TTC7A: variants seen among roughly 807,000 people sequenced by gnomAD.
TTC7A encodes the protein tetratricopeptide repeat protein 7A.
TTC7A carries 110 observed loss-of-function variants against 103.7 expected under a neutral mutation model. The ratio of observed to expected loss-of-function variants is 1.06; its 90% CI spans 0.91 to 1.24. The LOEUF is 1.24. TTC7A is among the 50% of genes most tolerant of loss of function. TTC7A has a pLI of 0.00. For synonymous variants in TTC7A, 521 were observed against 467.9 expected (o/e 1.11, Z -1.47); for missense variants, 1,340 against 1,116.3 (o/e 1.20, Z -2.86).
At chr2:47,056,915 C>G (rs537234020) in intron 18 of TTC7A, among the ~76,000 whole-genome samples, 1 of 152,290 alleles carries the variant, frequency 6.6e-6, no homozygotes, top group East Asian at 1.9e-4. Context: ...ACCCCTCCCC[C>G]CCATCCAGCC....
At chr2:46,948,190 G>T (rs1264638664) in intron 1 of TTC7A, among the ~76,000 whole-genome samples, 5 of 152,172 alleles carry the variant, frequency 3.3e-5, no homozygotes, top group African/African-American at 1.2e-4. Flanking sequence ...GCTGGGGGAC[G>T]GGGCCAGCAT....
Position 47,003,666 on chromosome 2 carries a change from C to G in TTC7A, c.1066-2256C>G, listed in dbSNP as rs376997401. The stretch of plus-strand genomic sequence containing the variant: ...TCCCACCCCTGCAGACTGCCTGGCT[C>G]CACCCGCTCCCATCATAACCTCTTG... On this transcript the variant is annotated intron_variant, in intron 8 of 19. Transcript: ENST00000319190. Among the ~76,000 whole-genome samples the G allele has an allele frequency of 4.6e-5, 7 of 152,312 alleles. No individual in the cohort carries two copies. The South Asian group carries it at 6.2e-4, about 14-fold the overall frequency.
chr2:47,061,735 G>C (rs1052984750), intron 19 of TTC7A, among the ~76,000 whole-genome samples: 3 of 152,150 alleles, frequency 2.0e-5, no homozygotes, highest in Non-Finnish European at 4.4e-5. Flanking sequence ...CATTTATTGA[G>C]CACCAGCTCT....
rs554115766 is a variant in TTC7A, at chr2:47,060,231, G to A, written c.2153-538G>A. On this transcript the variant is annotated intron_variant, in intron 18 of 19. Coordinates refer to ENST00000319190, the MANE Select transcript of TTC7A (RefSeq NM_020458.4). ...CCAAAAATACAAAAATTAGCCAGGCGTGGTGGTGCGTGCCTGTAACCCCAG... is the reference window on the plus strand; with the variant it reads ...CCAAAAATACAAAAATTAGCCAGGCATGGTGGTGCGTGCCTGTAACCCCAG... Among the ~76,000 whole-genome samples, 20 of 152,194 alleles carry A rather than the reference G, an allele frequency of 1.3e-4. No homozygotes were observed. In the East Asian group the frequency reaches 1.9e-3, roughly 15 times the overall value.
chr2:46,958,804 G>C (rs971130955), intron 3 of TTC7A, among the ~76,000 whole-genome samples: 1 of 152,144 alleles, frequency 6.6e-6, no homozygotes, highest in African/African-American at 2.4e-5. Flanking sequence ...GGATCCGGTG[G>C]GTCTTCCCAT....
intron 19 of TTC7A, among the ~76,000 whole-genome samples, chr2:47,066,890 A>G (rs189709361): frequency 2.0e-5 from 3 of 152,338 alleles, no homozygotes; most frequent in East Asian, 3.9e-4. Flanking sequence ...GTAATTTACA[A>G]TAAGCAGAAA....
chr2:46,918,469 A>T (rs1330556689), intron 2 of TTC7A, among the ~76,000 whole-genome samples: 1 of 152,224 alleles, frequency 6.6e-6, no homozygotes, highest in African/African-American at 2.4e-5. Flanking sequence ...TCCATAAGTG[A>T]GAAGCCACCT....
At chr2:46,983,154 G>A (rs1479204316) in intron 5 of TTC7A, among the ~76,000 whole-genome samples, 4 of 152,150 alleles carry the variant, frequency 2.6e-5, no homozygotes, top group African/African-American at 9.7e-5. Flanking sequence ...GGGAGGTGGT[G>A]GTGTCTCTGT....
In TTC7A at chr2:47,074,019, C is replaced by A; in HGVS notation, c.*96C>A. The A allele has an allele frequency of 1.1e-6, 1 of 941,588 alleles. No individual in the cohort carries two copies. The highest frequency in any genetic ancestry group is 1.6e-6 in the Non-Finnish European group (1 of 628,016). 58.3% of individuals were successfully genotyped at this position (941,588 alleles called of 1,614,324 possible). On this transcript the variant is annotated 3_prime_UTR_variant, in exon 20 of 20. Transcript: ENST00000319190. Reference sequence around the variant, plus strand: ...GGCAACAGTGGCATCAGGTGCGGGGCCTCAGGGAAATACATCTTTAGTGAA... The same window carrying A: ...GGCAACAGTGGCATCAGGTGCGGGGACTCAGGGAAATACATCTTTAGTGAA...
At chr2:46,936,569 G>T (rs1013058922), upstream of TTC7A, among the ~76,000 whole-genome samples, 1 of 152,152 alleles carries the variant, frequency 6.6e-6, no homozygotes, top group South Asian at 2.1e-4. Flanking sequence ...CTCACCATTC[G>T]CAGACTCTCA....
intron 3 of TTC7A, among the ~76,000 whole-genome samples, chr2:46,957,480 A>G (rs1247856045): frequency 6.6e-6 from 1 of 152,150 alleles, no homozygotes; most frequent in African/African-American, 2.4e-5. Flanking sequence ...GCCACTCCTC[A>G]GTTATTTGTC....
At chr2:46,978,714 G>A in intron 4 of TTC7A, 78 bp from the exon 5 acceptor site, 2 of 1,135,658 alleles carry the variant, frequency 1.8e-6, no homozygotes, top group Non-Finnish European at 2.6e-6. Context: ...GGATGGTGAT[G>A]AGGCCACCTC....
chr2:46,967,107 G>A (rs1672928464), intron 3 of TTC7A, among the ~76,000 whole-genome samples: 2 of 152,104 alleles, frequency 1.3e-5, no homozygotes, highest in South Asian at 4.1e-4. Context: ...CAGCTACTCA[G>A]GAGGCTGAGA....
intron 11 of TTC7A, among the ~76,000 whole-genome samples, chr2:47,017,067 G>A (rs1678735745): frequency 6.6e-6 from 1 of 151,960 alleles, no homozygotes; most frequent in Non-Finnish European, 1.5e-5. Flanking sequence ...AGGCATGGTG[G>A]CGGGCACCTG....
chr2:46,966,552 A>G (rs1672864942), intron 3 of TTC7A, among the ~76,000 whole-genome samples: 1 of 151,270 alleles, frequency 6.6e-6, no homozygotes, highest in Non-Finnish European at 1.5e-5. Context: ...GTTCTATCCT[A>G]ATTTTGTGAA....
chr2:46,968,665 C>T (rs886699897), intron 3 of TTC7A, among the ~76,000 whole-genome samples: 8 of 152,168 alleles, frequency 5.3e-5, no homozygotes, highest in East Asian at 1.9e-4. Context: ...GGACCGCCTC[C>T]GTGAATGTAC....
intron 2 of TTC7A, among the ~76,000 whole-genome samples, chr2:46,932,035 T>C (rs1362291465): frequency 6.6e-6 from 1 of 152,188 alleles, no homozygotes; most frequent in Non-Finnish European, 1.5e-5. Flanking sequence ...CAAAGAAGTA[T>C]TCGTAAAATT....
chr2:46,953,794 C>T (rs1199589410), intron 2 of TTC7A, among the ~76,000 whole-genome samples: 1 of 151,938 alleles, frequency 6.6e-6, no homozygotes, highest in Non-Finnish European at 1.5e-5. Context: ...TACTATTAGC[C>T]CCATTTCTTT....
Position 47,044,843 on chromosome 2 carries a change from G to A in TTC7A, c.1803-1472G>A, listed in dbSNP as rs539658214. 9.5e-4 allele frequency among the ~76,000 whole-genome samples: 144 copies of A among 152,330 alleles called. 1 individual carries two copies. Among genetic ancestry groups the A allele is most frequent in the Non-Finnish European group, 2.4e-4 (16 of 68,028 alleles). On this transcript the variant is annotated intron_variant, in intron 15 of 19. Coordinates refer to ENST00000319190, the MANE Select transcript of TTC7A (RefSeq NM_020458.4). ...CTAAGAGACAAAGTATGGAAAGATG[G>A]GCAGAGAGTAAGGACATCAGAGGGC...
Sources: allele counts gnomAD v4.1 joint callset (sites outside exome capture counted in the v4.1 genomes callset), GRCh38; gene constraint gnomAD v4.1.1; transcripts MANE v1.5; gene names NCBI Gene and HGNC (gene_info 2026-07-23, HGNC 2026-07-21).